Variants in MCTP1 observed in about 807,000 individuals in gnomAD.
MCTP1 encodes multiple C2 and transmembrane domain-containing protein 1.
A neutral mutation model predicts 120.6 loss-of-function variants in MCTP1; 69 were observed. That is an observed-to-expected ratio of 0.57 (90% CI 0.47 to 0.70). The LOEUF is 0.70. MCTP1 is among the 30% of genes least tolerant of loss of function. The probability of loss-of-function intolerance (pLI) is 0.00; values close to 1 mark genes in which losing one functional copy is unlikely to be tolerated. For synonymous variants in MCTP1, 529 were observed against 493.1 expected, an observed-to-expected ratio of 1.07 and a Z score of -0.96; for missense variants, 1,203 against 1,248.8, an observed-to-expected ratio of 0.96 and a Z score of 0.55.
intron 18 of MCTP1, among the ~76,000 whole-genome samples, chr5:94,794,249 T>C (rs942991165): frequency 2.0e-5 from 3 of 152,236 alleles, no homozygotes; most frequent in Admixed American, 2.0e-4. Context: ...AAGAATTTTT[T>C]TGTGTCAAAG....
chr5:94,849,642 G>C (rs895700478), intron 17 of MCTP1, among the ~76,000 whole-genome samples: 2 of 152,070 alleles, frequency 1.3e-5, no homozygotes, highest in African/African-American at 4.8e-5. Flanking sequence ...AGGAACAAAA[G>C]TGGATCAAAA....
At chr5:94,860,243 T>C (rs1172159486) in intron 17 of MCTP1, among the ~76,000 whole-genome samples, 1 of 151,710 alleles carries the variant, frequency 6.6e-6, no homozygotes, top group Non-Finnish European at 1.5e-5. Context: ...TAAGGAAATA[T>C]ATGTTTATAT....
chr5:95,051,060 G>A (rs1745780372), intron 1 of MCTP1, among the ~76,000 whole-genome samples: 1 of 152,106 alleles, frequency 6.6e-6, no homozygotes, highest in Admixed American at 6.5e-5. Flanking sequence ...ACTTTGAGCT[G>A]AGACTTCCAG....
intron 1 of MCTP1, among the ~76,000 whole-genome samples, chr5:95,140,711 AAAAAAAAAAAAAAAAAAAAT>A (rs1759844597): frequency 7.2e-6 from 1 of 138,902 alleles, no homozygotes; most frequent in African/African-American, 2.9e-5. Context: ...AAAAAAAAAA[AAAAAAAAAAAAAAAAAAAAT>A]TAGCCGGGTG....
intron 1 of MCTP1, among the ~76,000 whole-genome samples, chr5:95,072,751 T>TTTTC (rs1332974419): frequency 2.1e-5 from 3 of 141,320 alleles, no homozygotes; most frequent in African/African-American, 7.9e-5. Context: ...TTTTTTTTTT[T>TTTTC]TTTTTTTTTT....
intron 19 of MCTP1, among the ~76,000 whole-genome samples, chr5:94,755,776 AC>A (rs1029544150): frequency 6.6e-6 from 1 of 151,878 alleles, no homozygotes; most frequent in African/African-American, 2.4e-5. Flanking sequence ...TTCCTCTCAT[AC>A]TCAACTTCCT....
At chr5:94,769,310 A>G (rs1773535336) in intron 19 of MCTP1, among the ~76,000 whole-genome samples, 1 of 152,190 alleles carries the variant, frequency 6.6e-6, no homozygotes, top group African/African-American at 2.4e-5. Flanking sequence ...CTAGTGTTCA[A>G]TAGCACAGTA....
chr5:95,127,036 AG>A (rs1234383323), intron 1 of MCTP1, among the ~76,000 whole-genome samples: 1 of 152,148 alleles, frequency 6.6e-6, no homozygotes, highest in African/African-American at 2.4e-5. Flanking sequence ...CCTTTTTAGG[AG>A]TGATTTTTCA....
chr5:95,132,996 G>A (rs143287367), intron 1 of MCTP1, among the ~76,000 whole-genome samples: 98 of 152,282 alleles, frequency 6.4e-4, no homozygotes, highest in African/African-American at 2.3e-3. Flanking sequence ...CAGGTTAGGA[G>A]CTAGATTGTG....
chr5:95,216,229 T>C (rs1224543477), intron 1 of MCTP1, among the ~76,000 whole-genome samples: 1 of 152,198 alleles, frequency 6.6e-6, no homozygotes, highest in Non-Finnish European at 1.5e-5. Flanking sequence ...ACTTTGGAAA[T>C]GCCTTTGTGT....
chr5:95,158,667 T>C (rs1745383009), intron 1 of MCTP1, among the ~76,000 whole-genome samples: 1 of 152,142 alleles, frequency 6.6e-6, no homozygotes, highest in African/African-American at 2.4e-5. Context: ...GGCTCATGCC[T>C]GTAATCCCAG....
intron 1 of MCTP1, among the ~76,000 whole-genome samples, chr5:95,037,274 T>A (rs1841499695): frequency 6.6e-6 from 1 of 152,216 alleles, no homozygotes; most frequent in Non-Finnish European, 1.5e-5. Flanking sequence ...TCTTTAACTG[T>A]TCACTGAGTC....
intron 1 of MCTP1, among the ~76,000 whole-genome samples, chr5:95,249,411 T>A (rs1364862595): frequency 1.3e-5 from 2 of 152,184 alleles, no homozygotes; most frequent in Non-Finnish European, 2.9e-5. Flanking sequence ...GAAAAAATGC[T>A]CATCATCACT....
At chr5:95,022,197 A>G (rs577597275) in intron 1 of MCTP1, among the ~76,000 whole-genome samples, 1 of 152,316 alleles carries the variant, frequency 6.6e-6, no homozygotes, top group East Asian at 1.9e-4. Flanking sequence ...AGGTTGGTGC[A>G]AAAGCAATTG....
At chr5:95,123,711 A>T (rs1381674389) in intron 1 of MCTP1, among the ~76,000 whole-genome samples, 2 of 150,052 alleles carry the variant, frequency 1.3e-5, no homozygotes, top group African/African-American at 4.9e-5. Flanking sequence ...GTGCAGTGGC[A>T]CGATCTCGGC....
chr5:95,076,117 C>G (rs779704769), intron 1 of MCTP1, among the ~76,000 whole-genome samples: 1 of 151,808 alleles, frequency 6.6e-6, no homozygotes, highest in Non-Finnish European at 1.5e-5. Context: ...TTTAACTTAT[C>G]AATTAGGCAC....
At chr5:94,891,775 TAAATA>T (rs1209869689) in intron 11 of MCTP1, among the ~76,000 whole-genome samples, 3 of 151,316 alleles carry the variant, frequency 2.0e-5, no homozygotes, top group African/African-American at 7.3e-5. Context: ...AATAAATAAA[TAAATA>T]AATAAATATA....
At chr5:95,009,320 A>AT (rs1357666569) in intron 2 of MCTP1, among the ~76,000 whole-genome samples, 4 of 152,268 alleles carry the variant, frequency 2.6e-5, no homozygotes, top group Middle Eastern at 6.8e-3. Flanking sequence ...TTGCTCTTAA[A>AT]TTTTTTAACA....
chr5:95,181,050 C>T (rs1458810637), intron 1 of MCTP1, among the ~76,000 whole-genome samples: 1 of 152,216 alleles, frequency 6.6e-6, no homozygotes, highest in Non-Finnish European at 1.5e-5. Flanking sequence ...GCTGCAAAAA[C>T]CTCCCAACTT....
Sources: allele counts gnomAD v4.1 joint callset (sites outside exome capture counted in the v4.1 genomes callset), GRCh38; gene constraint gnomAD v4.1.1; transcripts MANE v1.5; gene names NCBI Gene and HGNC (gene_info 2026-07-23, HGNC 2026-07-21).